STK38L: variants seen among roughly 807,000 people sequenced by gnomAD.
The protein encoded by STK38L is serine/threonine kinase 38 like, also known as serine/threonine-protein kinase 38-like.
A neutral mutation model predicts 59.7 loss-of-function variants in STK38L; 28 were observed. The ratio of observed to expected loss-of-function variants is 0.47; its 90% confidence interval spans 0.35 to 0.64. The LOEUF (loss-of-function observed/expected upper bound fraction) is 0.64, where lower values mean the gene tolerates loss of function less well. Among genes scored for constraint, STK38L ranks in the 30% least tolerant of loss-of-function variants. The pLI is 0.01. For missense variants in STK38L, 314 were observed against 555.8 expected, an observed-to-expected ratio of 0.56 and a Z score of 4.37; for synonymous variants, 162 against 176.8, an observed-to-expected ratio of 0.92 and a Z score of 0.66.
chr12:27,245,439 G>T (rs896543893), intron 1 of STK38L, among the ~76,000 whole-genome samples: 1 of 152,088 alleles, frequency 6.6e-6, no homozygotes, highest in African/African-American at 2.4e-5. Flanking sequence ...TGGCGCTGGG[G>T]CTTACGTTTG....
intron 1 of STK38L, among the ~76,000 whole-genome samples, chr12:27,269,456 C>T (rs1368614517): frequency 3.9e-5 from 6 of 152,116 alleles, no homozygotes. Context: ...TTTCTGAGGG[C>T]TCTGTTCTGT....
chr12:27,296,559 A>G (rs566200603), intron 1 of STK38L, among the ~76,000 whole-genome samples: 1 of 152,332 alleles, frequency 6.6e-6, no homozygotes, highest in Non-Finnish European at 1.5e-5. Flanking sequence ...AGGGCTCTGT[A>G]TCTTCTTTAC....
intron 3 of STK38L, among the ~76,000 whole-genome samples, chr12:27,302,852 CAA>C (rs549995687): frequency 7.0e-6 from 1 of 143,730 alleles, no homozygotes. Context: ...GCTAAAAATA[CAA>C]AAAAAAAAAT....
At chr12:27,320,127 C>T (rs1028166988) in intron 12 of STK38L, among the ~76,000 whole-genome samples, 2 of 152,214 alleles carry the variant, frequency 1.3e-5, no homozygotes, top group African/African-American at 4.8e-5. Context: ...TCCATCCTGA[C>T]TGAAATGCCC....
In STK38L at chr12:27,317,763, G is replaced by A. The variant is rs1591944940; in HGVS notation, c.956-133G>A. 6 of 1,087,998 alleles carry A rather than the reference G, an allele frequency of 5.5e-6. No individual in the cohort carries two copies. In the East Asian group the frequency reaches 1.4e-4, roughly 26 times the overall value. The allele number at this position is 1,087,998 out of a possible 1,614,324, so 67.4% of individuals were successfully genotyped here. ...TTTATTAGCAACGTGATTGTAAATT[G>A]ATGAATGGTGGCATTTTTGACTGTT... On this transcript the variant is annotated intron_variant, in intron 10 of 13. Transcript: ENST00000389032.
intron 1 of STK38L, among the ~76,000 whole-genome samples, chr12:27,294,437 G>A (rs188959729): frequency 1.7e-4 from 25 of 151,124 alleles, no homozygotes; most frequent in Admixed American, 1.5e-3. Flanking sequence ...AACCCAGGAG[G>A]TGGAGGTTGC....
At chr12:27,292,151 T>C (rs572828729) in intron 1 of STK38L, among the ~76,000 whole-genome samples, 6 of 152,346 alleles carry the variant, frequency 3.9e-5, no homozygotes, top group African/African-American at 1.4e-4. Context: ...CCTGTTCTTT[T>C]TCTGGCCAAA....
intron 1 of STK38L, among the ~76,000 whole-genome samples, chr12:27,254,059 T>G (rs886378962): frequency 6.6e-6 from 1 of 152,150 alleles, no homozygotes; most frequent in Admixed American, 6.5e-5. Flanking sequence ...GCCAGAGAGA[T>G]AAAGAGAAAA....
intron 1 of STK38L, among the ~76,000 whole-genome samples, chr12:27,291,614 C>G (rs1399189617): frequency 1.3e-5 from 2 of 152,176 alleles, no homozygotes; most frequent in East Asian, 1.9e-4. Context: ...GGATTTGAAA[C>G]TTCACCTATG....
intron 1 of STK38L, among the ~76,000 whole-genome samples, chr12:27,271,342 G>A (rs1943418505): frequency 1.3e-5 from 2 of 152,220 alleles, no homozygotes; most frequent in Non-Finnish European, 2.9e-5. Flanking sequence ...TTTTCACTGT[G>A]GTTGGTGGGG....
intron 1 of STK38L, among the ~76,000 whole-genome samples, chr12:27,266,149 T>C (rs2136613808): frequency 6.6e-6 from 1 of 152,352 alleles, no homozygotes; most frequent in East Asian, 1.9e-4. Context: ...TATATATTGT[T>C]GCCACTCAGA....
intron 9 of STK38L, among the ~76,000 whole-genome samples, chr12:27,315,753 T>G (rs1944570682): frequency 6.6e-6 from 1 of 152,226 alleles, no homozygotes; most frequent in South Asian, 2.1e-4. Context: ...TAAAAACTTC[T>G]TTATAGACAA....
intron 2 of STK38L, 150 bp downstream of exon 2, chr12:27,298,004 T>C: frequency 3.2e-6 from 3 of 940,554 alleles, no homozygotes; most frequent in South Asian, 4.1e-5. Context: ...CACATAGACA[T>C]GTGTTTTATT....
intron 9 of STK38L, among the ~76,000 whole-genome samples, chr12:27,317,063 A>G (rs756898613): frequency 6.6e-6 from 1 of 152,206 alleles, no homozygotes; most frequent in Non-Finnish European, 1.5e-5. Flanking sequence ...CCTGGCACAT[A>G]TGGACACTCT....
In STK38L at chr12:27,308,425, G is replaced by A. The variant is rs140566861; in HGVS notation, c.273G>A (p.Glu91=). ...KRTRLGLDDF[E]SLKVIGRGAF... The stretch of plus-strand genomic sequence containing the variant: ...CCAGACTTGGCTTGGATGACTTTGA[G>A]TCTCTGAAAGTTATAGGAAGAGGAG... The change falls in exon 4 of 14, where the codon GAG becomes GAA. Residue 91 remains glutamate, a synonymous_variant. Coordinates refer to ENST00000389032, the MANE Select transcript of STK38L (RefSeq NM_015000.4). This position sits in a 1 kb window ranked among gnomAD's most constrained non-coding sequence, Gnocchi z 4.5. 74 of 1,596,730 alleles carry A rather than the reference G, an allele frequency of 4.6e-5. No homozygotes were observed. In the African/African-American group the frequency reaches 7.1e-4, roughly 15 times the overall value.
At chr12:27,254,280 A>G (rs934043586) in intron 1 of STK38L, among the ~76,000 whole-genome samples, 3 of 152,188 alleles carry the variant, frequency 2.0e-5, no homozygotes, top group African/African-American at 4.8e-5. Context: ...AAGTCCTTTT[A>G]TTCTAGTTCT....
intron 3 of STK38L, among the ~76,000 whole-genome samples, chr12:27,302,763 G>T (rs1320593674): frequency 6.6e-6 from 1 of 151,950 alleles, no homozygotes; most frequent in African/African-American, 2.4e-5. Flanking sequence ...GCTCACACCT[G>T]TAATCCCAGC....
intron 2 of STK38L, among the ~76,000 whole-genome samples, chr12:27,301,686 T>C (rs549009180): frequency 6.6e-6 from 1 of 152,316 alleles, no homozygotes. Flanking sequence ...AGCTTAGAGT[T>C]TCAGTGAGGG....
At chr12:27,255,261 T>C (rs545533963) in intron 1 of STK38L, among the ~76,000 whole-genome samples, 2 of 152,228 alleles carry the variant, frequency 1.3e-5, no homozygotes, top group African/African-American at 4.8e-5. Flanking sequence ...TAACCAAGAG[T>C]GTAACTGGAC....
Sources: gnomAD v4.1 joint callset for allele counts (sites outside exome capture counted in the v4.1 genomes callset) on GRCh38, gnomAD v4.1.1 for gene constraint, Gnocchi (gnomAD v3.1) non-coding constraint, MANE v1.5 for transcripts, NCBI Gene and HGNC (gene_info 2026-07-23, HGNC 2026-07-21) for gene names.